The following RC3H1 variants were observed in gnomAD, a reference collection of about 807,000 sequenced individuals.
RC3H1 encodes the protein roquin-1.
Under a neutral mutation model 138.2 loss-of-function variants are expected in RC3H1, and 50 were observed. The observed-to-expected ratio is 0.36, with a 90% CI of 0.29 to 0.46. The LOEUF is 0.46. RC3H1 is among the 20% of genes least tolerant of loss of function. RC3H1 has a pLI of 1.00. For missense variants in RC3H1, 1,031 were observed against 1,388.1 expected (o/e 0.74, Z 4.09); for synonymous variants, 462 against 489.1 (o/e 0.94, Z 0.73).
At chr1:173,947,933 T>C (rs1659205397) in intron 14 of RC3H1, among the ~76,000 whole-genome samples, 2 of 151,050 alleles carry the variant, frequency 1.3e-5, no homozygotes, top group African/African-American at 4.9e-5. Context: ...TTTATAGAGA[T>C]GAGGTCTCCC....
At chr1:174,019,032 T>C (rs529082440) in intron 1 of RC3H1, among the ~76,000 whole-genome samples, 8 of 152,326 alleles carry the variant, frequency 5.3e-5, no homozygotes, top group South Asian at 4.1e-4. Context: ...TTTAACATCA[T>C]TGAATATCTT....
At chr1:174,009,189 T>A (rs963881858) in intron 1 of RC3H1, 13 of 152,126 alleles carry the variant, frequency 8.5e-5, no homozygotes, top group African/African-American at 2.7e-4. Context: ...GAGATAAGTC[T>A]AACCACTGTG....
intron 1 of RC3H1, among the ~76,000 whole-genome samples, chr1:174,021,513 G>T (rs1661959678): frequency 6.6e-6 from 1 of 150,972 alleles, no homozygotes; most frequent in South Asian, 2.1e-4. Context: ...AAAGACACCT[G>T]CACACACACA....
intron 2 of RC3H1, among the ~76,000 whole-genome samples, chr1:173,991,165 G>C (rs1661272603): frequency 1.3e-5 from 2 of 152,222 alleles, no homozygotes; most frequent in African/African-American, 4.8e-5. Context: ...GAGAGGCAGA[G>C]ATTGCAGTGA....
rs1658432134 is a variant in RC3H1 at position 173,932,708 on chromosome 1, A to G, written c.*6013T>C. ...AGCAAAAGCTAAATGCCTTTAAGTC[A>G]GAGAATTATTTTATGGGGTAGTTCA... On this transcript the variant is annotated 3_prime_UTR_variant, in exon 20 of 20. Transcript: ENST00000367696. 6.6e-6 allele frequency: 1 copy of G among 152,136 alleles called. No individual in the cohort carries two copies. The highest frequency in any genetic ancestry group is 2.4e-5 in the African/African-American group (1 of 41,450). 9.4% of individuals were successfully genotyped at this position (152,136 alleles called of 1,614,324 possible). A position where few individuals can be genotyped will look rare whatever the true frequency, so the allele number is the denominator to read the frequency against.
In RC3H1 at chr1:173,941,442, C is replaced by T. The variant is rs1271711402; in HGVS notation, c.3136-62G>A. The T allele has an allele frequency of 3.2e-6, 3 of 932,864 alleles. No homozygotes were observed. The Admixed American group carries it at 5.8e-5, about 18-fold the overall frequency. The allele number at this position is 932,864 out of a possible 1,614,324, so 57.8% of individuals were successfully genotyped here. A position where few individuals can be genotyped will look rare whatever the true frequency, so the allele number is the denominator to read the frequency against. Reference sequence around the variant, plus strand: ...ATTTAATGGTGTTAATGGGAGAGACCAAATTACAGATAATACAAAGTGATG... The same window carrying T: ...ATTTAATGGTGTTAATGGGAGAGACTAAATTACAGATAATACAAAGTGATG... On this transcript the variant is annotated intron_variant, in intron 18 of 19. Coordinates refer to ENST00000367696, the MANE Select transcript of RC3H1 (RefSeq NM_172071.4).
At chr1:173,946,967 A>T (rs971356002) in intron 15 of RC3H1, 131 bp from the exon 16 acceptor site, 2 of 649,832 alleles carry the variant, frequency 3.1e-6, no homozygotes, top group African/African-American at 3.7e-5. Context: ...CCAGATTTTT[A>T]AAATTCTTTA....
intron 9 of RC3H1, among the ~76,000 whole-genome samples, chr1:173,966,830 C>A (rs995459194): frequency 2.0e-5 from 3 of 152,102 alleles, no homozygotes; most frequent in Non-Finnish European, 2.9e-5. Context: ...AGAAAACTAC[C>A]CCTCAGGGGT....
intron 4 of RC3H1, 30 bp downstream of exon 4, chr1:173,983,388 C>A (rs1437861222): frequency 1.2e-6 from 2 of 1,610,544 alleles, no homozygotes; most frequent in African/African-American, 2.7e-5. Flanking sequence ...GAATTACCAG[C>A]AGAATAAATA....
At chr1:173,973,534 CAAA>C (rs558441818) in intron 7 of RC3H1, among the ~76,000 whole-genome samples, 3 of 89,982 alleles carry the variant, frequency 3.3e-5, no homozygotes, top group African/African-American at 3.4e-5. Context: ...AACTCCATCT[CAAA>C]AAAAAAAAAA....
rs559235191 is a variant in RC3H1, at chr1:173,964,311, A to G, written c.1617-124T>C. 9.7e-5 allele frequency: 73 copies of G among 749,302 alleles called. No individual in the cohort carries two copies. The East Asian group carries it at 1.8e-3, about 19-fold the overall frequency. The allele number at this position is 749,302 out of a possible 1,614,324, so 46.4% of individuals were successfully genotyped here. On this transcript the variant is annotated intron_variant, in intron 10 of 19. Transcript: ENST00000367696. ...ATTCTAATAGTCCTCCCTTCTACAAAATTTGCAATTTTTAAATCTTATTTC... is the reference window on the plus strand; with the variant it reads ...ATTCTAATAGTCCTCCCTTCTACAAGATTTGCAATTTTTAAATCTTATTTC...
rs1030451290 is a variant in RC3H1 at position 173,941,463 on chromosome 1, T to C, written c.3136-83A>G. ...AGACCAAATTACAGATAATACAAAG[T>C]GATGATCCAGAAATCATATTCAATT... On this transcript the variant is annotated intron_variant, in intron 18 of 19. Transcript: ENST00000367696. The C allele has an allele frequency of 6.3e-6, 5 of 793,024 alleles. No homozygotes were observed. In the African/African-American group the frequency reaches 8.6e-5, roughly 14 times the overall value. The allele number at this position is 793,024 out of a possible 1,614,324, so 49.1% of individuals were successfully genotyped here.
chr1:174,017,806 A>C (rs892577826), intron 1 of RC3H1, among the ~76,000 whole-genome samples: 1 of 145,700 alleles, frequency 6.9e-6, no homozygotes, highest in Admixed American at 6.9e-5. Flanking sequence ...AAAAAAAAAA[A>C]AAAACTGCTA....
rs774197081 is a variant in RC3H1, at chr1:173,961,178, G to C, written c.2269C>G (p.Arg757Gly). Reference protein sequence around the residue: ...PHPSLDELHRRRKEIMAQLEE... With the variant: ...PHPSLDELHRGRKEIMAQLEE... ...AGCTGGGCCATTATTTCCTTTCGTCGGCGATGTAGTTCATCTAGACTAGGA... is the reference window on the plus strand; with the variant it reads ...AGCTGGGCCATTATTTCCTTTCGTCCGCGATGTAGTTCATCTAGACTAGGA... The change falls in exon 13 of 20, where the codon CGA becomes GGA. Residue 757 changes from arginine to glycine, a missense_variant. Arg to Gly is a moderately radical substitution (Grantham distance 125, BLOSUM62 -2). Around this residue, in one of 7 missense-constraint regions of RC3H1, gnomAD observed 716 missense variants for 837.9 expected, o/e 0.85. Coordinates refer to ENST00000367696, the MANE Select transcript of RC3H1 (RefSeq NM_172071.4). The C allele has an allele frequency of 6.2e-7, 1 of 1,614,070 alleles. No homozygotes were observed. Among genetic ancestry groups the C allele is most frequent in the Non-Finnish European group, 8.5e-7 (1 of 1,179,980 alleles).
chr1:173,951,899 GA>G, intron 14 of RC3H1, 86 bp downstream of exon 14: 10 of 1,290,048 alleles, frequency 7.8e-6, no homozygotes, highest in Non-Finnish European at 1.0e-5. Context: ...AAGCAAAGCT[GA>G]ATTATTTGTG....
chr1:173,994,805 A>G (rs959832008), intron 1 of RC3H1, among the ~76,000 whole-genome samples: 5 of 151,756 alleles, frequency 3.3e-5, no homozygotes, highest in Non-Finnish European at 7.4e-5. Flanking sequence ...TCAAAAAAAA[A>G]AAAAAAAAAG....
intron 15 of RC3H1, among the ~76,000 whole-genome samples, 176 bp downstream of exon 15, chr1:173,947,193 T>C (rs1571171488): frequency 1.3e-5 from 2 of 152,194 alleles, no homozygotes; most frequent in African/African-American, 2.4e-5. Context: ...TTTCAGTTTA[T>C]ATACCTAAAA....
At chr1:173,996,674 C>G (rs924350976) in intron 1 of RC3H1, among the ~76,000 whole-genome samples, 2 of 152,142 alleles carry the variant, frequency 1.3e-5, no homozygotes, top group African/African-American at 4.8e-5. Flanking sequence ...ATGTGACCTA[C>G]GTCCGGGCAT....
chr1:173,997,320 T>G (rs992700795), intron 1 of RC3H1, among the ~76,000 whole-genome samples: 17 of 152,144 alleles, frequency 1.1e-4, no homozygotes, highest in African/African-American at 4.1e-4. Flanking sequence ...ACAAATAAAT[T>G]GAAAGAGTAA....
Sources: gnomAD v4.1 joint callset for allele counts (sites outside exome capture counted in the v4.1 genomes callset) on GRCh38, gnomAD v4.1.1 for gene constraint, gnomAD v4.1.1 regional missense constraint, MANE v1.5 for transcripts, NCBI Gene and HGNC (gene_info 2026-07-23, HGNC 2026-07-21) for gene names.